UBE3D: variants seen among roughly 807,000 people sequenced by gnomAD.
UBE3D encodes the protein E3 ubiquitin-protein ligase E3D.
Under a neutral mutation model 49.6 loss-of-function variants are expected in UBE3D, and 48 were observed. The observed-to-expected ratio is 0.97, with a 90% CI of 0.77 to 1.23. The LOEUF is 1.23. Ranked by LOEUF, UBE3D falls within the 50% of genes most tolerant of loss-of-function variation. UBE3D has a pLI of 0.00. For synonymous variants in UBE3D, 189 were observed against 174.2 expected (o/e 1.08, Z -0.67); for missense variants, 452 against 468.4 (o/e 0.96, Z 0.32).
At chr6:83,009,678 C>G (rs1780211969) in intron 8 of UBE3D, among the ~76,000 whole-genome samples, 1 of 96,842 alleles carries the variant, frequency 1.0e-5, no homozygotes, top group Non-Finnish European at 2.1e-5. Flanking sequence ...AGTGAGCGCT[C>G]ACATTTAAAC....
At chr6:83,013,318 T>C (rs1445066993) in intron 8 of UBE3D, among the ~76,000 whole-genome samples, 1 of 152,196 alleles carries the variant, frequency 6.6e-6, no homozygotes, top group Admixed American at 6.5e-5. Context: ...CTGCAGAAGA[T>C]GGCAGGGCCT....
chr6:83,009,673 G>A (rs1391522431), intron 8 of UBE3D, among the ~76,000 whole-genome samples: 1 of 111,398 alleles, frequency 9.0e-6, no homozygotes, highest in Admixed American at 1.3e-4. Context: ...TTTTGAGTGA[G>A]CGCTCACATT....
chr6:82,965,578 C>T (rs1425849702), intron 8 of UBE3D, among the ~76,000 whole-genome samples: 2 of 98,302 alleles, frequency 2.0e-5, no homozygotes, highest in African/African-American at 7.5e-5. Flanking sequence ...AGCGAAACTC[C>T]ATCTCAAAAA....
chr6:83,019,988 A>G (rs1780973603), intron 7 of UBE3D, among the ~76,000 whole-genome samples: 1 of 152,246 alleles, frequency 6.6e-6, no homozygotes, highest in Non-Finnish European at 1.5e-5. Flanking sequence ...GTGAGCCATT[A>G]TCAGCCAACG....
rs745679541 is a variant in UBE3D at position 83,024,053 on chromosome 6, G to C, written c.668-15C>G. 6.9e-7 allele frequency: 1 copy of C among 1,457,320 alleles called. No homozygotes were observed. 90.3% of individuals were successfully genotyped at this position (1,457,320 alleles called of 1,614,324 possible). ...CTTGGTGGTTTCTAGAAACAAAAAAGAAAATTAAGACTCTCCCCAATACAC... is the reference window on the plus strand; with the variant it reads ...CTTGGTGGTTTCTAGAAACAAAAAACAAAATTAAGACTCTCCCCAATACAC... On this transcript the variant is annotated splice_polypyrimidine_tract_variant and intron_variant, in intron 5 of 9. Coordinates refer to ENST00000369747, the MANE Select transcript of UBE3D (RefSeq NM_198920.3).
chr6:82,989,653 T>C (rs1778752044), intron 8 of UBE3D, among the ~76,000 whole-genome samples: 1 of 152,162 alleles, frequency 6.6e-6, no homozygotes, highest in Non-Finnish European at 1.5e-5. Flanking sequence ...GTCCCGGATT[T>C]GTCTTAGTGG....
At chr6:82,886,622 G>A in the UBE3D span, among the ~76,000 whole-genome samples, 7 of 152,214 alleles carry the variant, frequency 4.6e-5, no homozygotes, top group South Asian at 1.4e-3. Context: ...ATTGTCACGG[G>A]ATTGGAAAGA....
intron 3 of UBE3D, among the ~76,000 whole-genome samples, chr6:83,053,762 T>TAA (rs1783628628): frequency 6.6e-6 from 1 of 152,224 alleles, no homozygotes; most frequent in Non-Finnish European, 1.5e-5. Flanking sequence ...ACAGTTCAAA[T>TAA]AAAAAGTTTT....
chr6:82,953,421 T>C (rs1333972570), intron 9 of UBE3D, among the ~76,000 whole-genome samples: 1 of 152,250 alleles, frequency 6.6e-6, no homozygotes, highest in Non-Finnish European at 1.5e-5. Flanking sequence ...TGGATACCCA[T>C]CTGTGCTCAA....
intron 5 of UBE3D, among the ~76,000 whole-genome samples, chr6:83,025,877 C>T (rs1474289531): frequency 1.7e-5 from 2 of 117,526 alleles, no homozygotes; most frequent in African/African-American, 6.7e-5. Flanking sequence ...AACGTGACTC[C>T]ATCTTAAAAA....
At chr6:82,895,867 T>C (rs577484741) in intron 9 of UBE3D, among the ~76,000 whole-genome samples, 9 of 152,358 alleles carry the variant, frequency 5.9e-5, no homozygotes, top group Non-Finnish European at 1.0e-4. Context: ...TTGCCTCAAC[T>C]ATCAAAAGAT....
chr6:83,050,697 G>C lies in UBE3D; in HGVS notation c.365+3451C>G, dbSNP rs572935562. On this transcript the variant is annotated intron_variant, in intron 3 of 9. Transcript: ENST00000369747. ...GCGGGAGAAATAAGAAGAACACTGG[G>C]TTTGACATTAATGGTCAACATGAAA... Among the ~76,000 whole-genome samples the C allele has an allele frequency of 7.3e-4, 111 of 152,296 alleles. 1 individual carries two copies. Among genetic ancestry groups the C allele is most frequent in the African/African-American group, 2.7e-3 (111 of 41,562 alleles).
intron 9 of UBE3D, among the ~76,000 whole-genome samples, chr6:82,898,588 A>G (rs1771503085): frequency 6.6e-6 from 1 of 152,090 alleles, no homozygotes; most frequent in African/African-American, 2.4e-5. Context: ...CAGAAAACCA[A>G]ACACCACATA....
chr6:82,910,431 GA>G (rs1317782331), intron 9 of UBE3D, among the ~76,000 whole-genome samples: 1 of 152,168 alleles, frequency 6.6e-6, no homozygotes, highest in South Asian at 2.1e-4. Flanking sequence ...GGATGGAGCT[GA>G]AAAGAGACTG....
intron 1 of UBE3D, among the ~76,000 whole-genome samples, chr6:83,062,367 G>A (rs1341636404): frequency 6.6e-6 from 1 of 152,110 alleles, no homozygotes; most frequent in Non-Finnish European, 1.5e-5. Flanking sequence ...ACCCACTATG[G>A]CAGGAATTAA....
At chr6:82,937,982 C>T (rs554371991) in intron 9 of UBE3D, among the ~76,000 whole-genome samples, 9 of 152,036 alleles carry the variant, frequency 5.9e-5, no homozygotes, top group Non-Finnish European at 1.3e-4. Flanking sequence ...AGCACACGGG[C>T]GTGTGCGCGC....
chr6:82,963,797 G>C (rs183579065), intron 8 of UBE3D, among the ~76,000 whole-genome samples: 22 of 150,662 alleles, frequency 1.5e-4, no homozygotes, highest in African/African-American at 5.3e-4. Flanking sequence ...CAACCCAACT[G>C]AGTTGACATT....
At chr6:82,979,373 A>G (rs956354436) in intron 8 of UBE3D, among the ~76,000 whole-genome samples, 1 of 152,038 alleles carries the variant, frequency 6.6e-6, no homozygotes, top group African/African-American at 2.4e-5. Flanking sequence ...GTAGACATTA[A>G]CCTGAGAGAA....
At chr6:82,970,116 T>C (rs1367765533) in intron 8 of UBE3D, among the ~76,000 whole-genome samples, 1 of 148,318 alleles carries the variant, frequency 6.7e-6, no homozygotes, top group Non-Finnish European at 1.5e-5. Context: ...TAGAACATGA[T>C]ATAATATACT....
Sources: allele counts gnomAD v4.1 joint callset (sites outside exome capture counted in the v4.1 genomes callset), GRCh38; gene constraint gnomAD v4.1.1; transcripts MANE v1.5; gene names NCBI Gene and HGNC (gene_info 2026-07-23, HGNC 2026-07-21).